The following SLC16A3 variants were observed in gnomAD, a reference collection of about 807,000 sequenced individuals.
SLC16A3 encodes solute carrier family 16 member 3.
SLC16A3 carries 22 observed loss-of-function variants against 25.0 expected under a neutral mutation model. The observed-to-expected ratio is 0.88, with a 90% confidence interval of 0.63 to 1.26. SLC16A3 has a LOEUF of 1.26. SLC16A3 is among the 50% of genes most tolerant of loss of function. The pLI is 0.00. For missense variants in SLC16A3, 731 were observed against 666.6 expected (o/e 1.10, Z -1.06); for synonymous variants, 390 against 309.2 (o/e 1.26, Z -2.74).
At chr17:82,234,520 CAA>C (rs2050563940) in intron 1 of SLC16A3, 1 of 152,320 alleles carries the variant, frequency 6.6e-6, no homozygotes, top group Non-Finnish European at 1.5e-5. Flanking sequence ...GTCCCCTCGT[CAA>C]GCAGCATTTC....
chr17:82,236,505 A>T, intron 2 of SLC16A3: 1 of 639,912 alleles, frequency 1.6e-6, no homozygotes, highest in East Asian at 2.7e-5. Flanking sequence ...GTTCCTGAAA[A>T]GGTGGCTGTT....
At chr17:82,236,296 G>A in intron 2 of SLC16A3, 65 bp downstream of exon 2, 27 of 1,462,122 alleles carry the variant, frequency 1.8e-5, no homozygotes, top group Non-Finnish European at 2.6e-5. Flanking sequence ...CTGGGCGCGT[G>A]TAGCTGGGCT....
upstream of SLC16A3, among the ~76,000 whole-genome samples, chr17:82,228,072 C>T (rs978029505): frequency 3.9e-5 from 6 of 152,194 alleles, no homozygotes; most frequent in Non-Finnish European, 8.8e-5. Flanking sequence ...GTCCCCGAAG[C>T]CCCCGGGTCC....
intron 1 of SLC16A3, chr17:82,233,834 A>T (rs1250004025): frequency 6.6e-6 from 1 of 151,706 alleles, no homozygotes; most frequent in Non-Finnish European, 1.5e-5. Context: ...AAGTGCATAT[A>T]TTTTTATTTT....
chr17:82,227,178 G>A (rs897924915), upstream of SLC16A3, among the ~76,000 whole-genome samples: 6 of 152,184 alleles, frequency 3.9e-5, no homozygotes, highest in Non-Finnish European at 8.8e-5. Flanking sequence ...CCCCTGGAGG[G>A]ATGACTGGGC....
At chr17:82,230,467 C>G (rs1224788613) in intron 1 of SLC16A3, 3 of 152,284 alleles carry the variant, frequency 2.0e-5, no homozygotes, top group Admixed American at 2.0e-4. Context: ...CCTGCACGAT[C>G]AGGCCAGACC....
At chr17:82,227,376 G>A (rs923543037), upstream of SLC16A3, among the ~76,000 whole-genome samples, 8 of 152,132 alleles carry the variant, frequency 5.3e-5, no homozygotes, top group African/African-American at 1.7e-4. Flanking sequence ...GTGTCTCGGT[G>A]GCTTCAGTGG....
chr17:82,233,500 T>TC (rs1285643237), intron 1 of SLC16A3, among the ~76,000 whole-genome samples: 1 of 152,072 alleles, frequency 6.6e-6, no homozygotes, highest in Non-Finnish European at 1.5e-5. Flanking sequence ...GTCCCCTGCC[T>TC]CCCCACACGC....
rs973486501 is a variant in SLC16A3 at position 82,236,314 on chromosome 17, A to G, written c.223+83A>G. ...GGCGCGTGTAGCTGGGCTCAGCAAC[A>G]GGGCCTTCCGCCTGCTCCCCAGGGA... On this transcript the variant is annotated intron_variant, in intron 2 of 4. Coordinates refer to ENST00000582743, the MANE Select transcript of SLC16A3 (RefSeq NM_004207.4). The G allele has an allele frequency of 2.3e-6, 3 of 1,296,896 alleles. No individual in the cohort carries two copies. In the Admixed American group the frequency reaches 5.4e-5, roughly 23 times the overall value. 80.3% of individuals were successfully genotyped at this position (1,296,896 alleles called of 1,614,324 possible).
At position 82,236,580 on chromosome 17, in the gene SLC16A3, G is replaced by T. The variant is rs191649521; in HGVS notation, c.224-149G>T. The T allele has an allele frequency of 4.7e-4, 550 of 1,171,736 alleles. 3 individuals are homozygous for T. In the East Asian group the frequency reaches 0.013, roughly 28 times the overall value. The allele number at this position is 1,171,736 out of a possible 1,614,324, so 72.6% of individuals were successfully genotyped here. A position where few individuals can be genotyped will look rare whatever the true frequency, so the allele number is the denominator to read the frequency against. On this transcript the variant is annotated intron_variant, in intron 2 of 4. Transcript: ENST00000582743. ...TCACGTGTCATCATGGCCTGCGCTC[G>T]GGGAGCCTGCCCACGGGGTGCCCCT...
At chr17:82,219,747 T>G (rs1041020343) in intron 1 of SLC16A3, among the ~76,000 whole-genome samples, 8 of 148,022 alleles carry the variant, frequency 5.4e-5, no homozygotes, top group Admixed American at 4.7e-4. Flanking sequence ...AGGCGGGGGG[T>G]CTGCGCTGAG....
At chr17:82,228,455 G>A (rs2147111699), upstream of SLC16A3, 1 of 152,536 alleles carries the variant, frequency 6.6e-6, no homozygotes, top group South Asian at 2.1e-4. Context: ...CCCACATCCA[G>A]GCAGCGCAGG....
intron 1 of SLC16A3, chr17:82,230,520 C>T (rs1366742686): frequency 6.6e-6 from 1 of 152,644 alleles, no homozygotes; most frequent in African/African-American, 2.4e-5. Flanking sequence ...GGGGCAGCTA[C>T]CAGAGGGCTC....
At position 82,239,704 on chromosome 17, in the gene SLC16A3, A is replaced by T. The variant is rs2050712613; in HGVS notation, c.*728A>T. ...CTCTGAAATGTGCCAGGGAGCCCCTACGTGGTGGTTAGATGGGAGCTGAGG... is the reference window on the plus strand; with the variant it reads ...CTCTGAAATGTGCCAGGGAGCCCCTTCGTGGTGGTTAGATGGGAGCTGAGG... On this transcript the variant is annotated 3_prime_UTR_variant, in exon 5 of 5. Coordinates refer to ENST00000582743, the MANE Select transcript of SLC16A3 (RefSeq NM_004207.4). 2.8e-6 allele frequency: 1 copy of T among 355,806 alleles called. No homozygotes were observed. The highest frequency in any genetic ancestry group is 4.2e-5 in the East Asian group (1 of 24,088). 22.0% of individuals were successfully genotyped at this position (355,806 alleles called of 1,614,324 possible). A position where few individuals can be genotyped will look rare whatever the true frequency, so the allele number is the denominator to read the frequency against.
chr17:82,219,946 A>C (rs2050379021), intron 1 of SLC16A3, among the ~76,000 whole-genome samples: 1 of 152,126 alleles, frequency 6.6e-6, no homozygotes, highest in Admixed American at 6.5e-5. Flanking sequence ...GGTGGGACAC[A>C]GGGCAGGTGG....
intron 1 of SLC16A3, among the ~76,000 whole-genome samples, chr17:82,223,091 GGT>G (rs1482866824): frequency 6.6e-6 from 1 of 152,170 alleles, no homozygotes; most frequent in Non-Finnish European, 1.5e-5. Flanking sequence ...GACAGCTGGT[GGT>G]GGACAACAAC....
intron 1 of SLC16A3, chr17:82,234,055 TG>T (rs1194773000): frequency 3.5e-5 from 2 of 57,460 alleles, no homozygotes; most frequent in Non-Finnish European, 9.0e-5. Flanking sequence ...TTAGCCAGGA[TG>T]GTCTCGATCT....
At chr17:82,228,943 G>T (rs1379479502), upstream of SLC16A3, 1 of 149,192 alleles carries the variant, frequency 6.7e-6, no homozygotes, top group South Asian at 1.9e-4. Context: ...CGGGGTCCGG[G>T]CGGGGCGCGC....
chr17:82,236,944 A>G, intron 3 of SLC16A3, 72 bp downstream of exon 3: 1 of 1,565,800 alleles, frequency 6.4e-7, no homozygotes. Context: ...TCCTGGGTCC[A>G]GGCCTCTGGA....
Sources: allele counts gnomAD v4.1 joint callset (sites outside exome capture counted in the v4.1 genomes callset), GRCh38; gene constraint gnomAD v4.1.1; transcripts MANE v1.5; gene names NCBI Gene and HGNC (gene_info 2026-07-23, HGNC 2026-07-21).